The following PLEKHA7 variants were observed in gnomAD, a reference collection of about 807,000 sequenced individuals.
PLEKHA7 encodes the protein pleckstrin homology domain containing A7, also known as pleckstrin homology domain-containing family A member 7.
A neutral mutation model predicts 170.0 loss-of-function variants in PLEKHA7; 104 were observed. The observed-to-expected ratio is 0.61, with a 90% CI of 0.52 to 0.72. The LOEUF is 0.72. PLEKHA7 is among the 30% of genes least tolerant of loss of function. The pLI is 0.00. For missense variants in PLEKHA7, 1,615 were observed against 1,671.7 expected (o/e 0.97, Z 0.59); for synonymous variants, 648 against 660.8 (o/e 0.98, Z 0.30).
rs751029327 is a variant in PLEKHA7 at position 16,783,759 on chromosome 11, C to T, written c.3591G>A (p.Glu1197=). 17 of 1,513,064 alleles carry T rather than the reference C, an allele frequency of 1.1e-5. No homozygotes were observed. Among genetic ancestry groups the T allele is most frequent in the Non-Finnish European group, 1.5e-5 (17 of 1,135,982 alleles). The allele number at this position is 1,513,064 out of a possible 1,614,324, so 93.7% of individuals were successfully genotyped here. Residue 1197 remains glutamate, a synonymous_variant, in exon 25 of 27, where the codon GAG becomes GAA. Coordinates refer to ENST00000531066, the MANE Select transcript of PLEKHA7 (RefSeq NM_001329630.2). The stretch of plus-strand genomic sequence containing the variant: ...CTTTGCGGTACCGCGCCTGCAGCTC[C>T]TCAAGGCTGGGTGGCTCTTCGGGAT... The part of the protein sequence containing the change: ...ELDPEEPPSL[E]ELQARYRKAE...
rs575398610 is a variant in PLEKHA7 at position 16,779,929 on chromosome 11, G to A, written c.3794-909C>T. On this transcript the variant is annotated intron_variant, in intron 26 of 26. Transcript: ENST00000531066. The stretch of plus-strand genomic sequence containing the variant: ...CACTTAACAAGCTGCGATTCCTTGC[G>A]CATATCCCTCAAGGCCTCTGAGCTT... Among the ~76,000 whole-genome samples, 10 of 147,088 alleles carry A rather than the reference G, an allele frequency of 6.8e-5. No homozygotes were observed. The East Asian group carries it at 1.5e-3, about 22-fold the overall frequency.
At chr11:16,987,901 G>T (rs1863829593) in intron 3 of PLEKHA7, among the ~76,000 whole-genome samples, 1 of 152,164 alleles carries the variant, frequency 6.6e-6, no homozygotes, top group Admixed American at 6.5e-5. Context: ...GACAAACCTA[G>T]GGCCAAAACC....
intron 3 of PLEKHA7, among the ~76,000 whole-genome samples, chr11:16,936,401 C>CAA (rs57104068): frequency 0.24 from 16,389 of 67,116 alleles, 3,989 homozygotes; most frequent in Non-Finnish European, 0.35. Flanking sequence ...GACTCTGTCT[C>CAA]AAAAAAAAAA....
At chr11:16,825,846 G>A (rs1221052867) in intron 10 of PLEKHA7, among the ~76,000 whole-genome samples, 3 of 152,196 alleles carry the variant, frequency 2.0e-5, no homozygotes, top group Non-Finnish European at 2.9e-5. Flanking sequence ...TGGTGTAATC[G>A]CATGGAGGCC....
At chr11:16,904,263 A>C (rs1857516258) in intron 3 of PLEKHA7, among the ~76,000 whole-genome samples, 1 of 152,188 alleles carries the variant, frequency 6.6e-6, no homozygotes, top group African/African-American at 2.4e-5. Context: ...GTACCCATCC[A>C]TTGGGAATAT....
intron 8 of PLEKHA7, among the ~76,000 whole-genome samples, chr11:16,847,085 T>G (rs7929895): frequency 3.8e-4 from 46 of 121,206 alleles, no homozygotes; most frequent in African/African-American, 1.3e-3. Context: ...GAAGTTTTTT[T>G]TTTTCTTTTT....
chr11:16,792,793 A>G (rs1283181144), intron 19 of PLEKHA7, among the ~76,000 whole-genome samples: 1 of 152,100 alleles, frequency 6.6e-6, no homozygotes, highest in African/African-American at 2.4e-5. Context: ...TTTTGTTTTG[A>G]GACAGGGTCT....
chr11:16,907,259 G>T (rs1183137832), intron 3 of PLEKHA7, among the ~76,000 whole-genome samples: 5 of 144,138 alleles, frequency 3.5e-5, no homozygotes, highest in East Asian at 4.3e-4. Context: ...GGAAGGATGT[G>T]GGGGGGTCAG....
At chr11:16,960,063 CTG>C (rs1176493673) in intron 3 of PLEKHA7, among the ~76,000 whole-genome samples, 9 of 152,214 alleles carry the variant, frequency 5.9e-5, no homozygotes, top group Admixed American at 3.9e-4. Flanking sequence ...CTGGCCCAGG[CTG>C]TGTGTGTGCA....
chr11:16,986,221 T>G (rs760518801), intron 3 of PLEKHA7, among the ~76,000 whole-genome samples: 3 of 152,092 alleles, frequency 2.0e-5, no homozygotes, highest in African/African-American at 4.8e-5. Flanking sequence ...GATGAGGTAT[T>G]TGGGCCCCTG....
intron 3 of PLEKHA7, among the ~76,000 whole-genome samples, chr11:16,917,194 G>C (rs1034451841): frequency 1.3e-5 from 2 of 152,068 alleles, no homozygotes; most frequent in African/African-American, 4.8e-5. Context: ...CCTCCAGCCT[G>C]GGTGACACAG....
chr11:16,991,895 G>A (rs994875920), intron 3 of PLEKHA7, among the ~76,000 whole-genome samples: 1 of 152,204 alleles, frequency 6.6e-6, no homozygotes, highest in Non-Finnish European at 1.5e-5. Flanking sequence ...CAGTGGCGTG[G>A]ACTAGGGTGG....
chr11:16,852,400 G>A, intron 6 of PLEKHA7, 45 bp from the exon 7 acceptor site: 2 of 1,558,782 alleles, frequency 1.3e-6, no homozygotes, highest in Non-Finnish European at 8.8e-7. Context: ...TGAGCATACT[G>A]TTGTCCCTTT....
In PLEKHA7 at chr11:16,790,769, G is replaced by A. The variant is rs747264020; in HGVS notation, c.3052+29C>T. 1.3e-5 allele frequency: 21 copies of A among 1,597,882 alleles called. No individual in the cohort carries two copies. The East Asian group carries it at 4.0e-4, about 31-fold the overall frequency. On this transcript the variant is annotated intron_variant, in intron 21 of 26. Transcript: ENST00000531066. ...TGGAAGCAGTGTGGTGGGATTCCCA[G>A]AGAAACTCCAGGGAGGGCCCTGCCT...
chr11:17,006,444 T>C (rs1259218170), intron 3 of PLEKHA7, among the ~76,000 whole-genome samples: 1 of 147,972 alleles, frequency 6.8e-6, no homozygotes, highest in African/African-American at 2.5e-5. Context: ...TTGGCTAACA[T>C]GGTGAAACCC....
chr11:16,906,302 T>TCCTCCTCTCCCTCTC lies in PLEKHA7; in HGVS notation c.222-35135_222-35121dup, dbSNP rs763669111. On this transcript the variant is annotated intron_variant, in intron 3 of 26. Coordinates refer to ENST00000531066, the MANE Select transcript of PLEKHA7 (RefSeq NM_001329630.2). ...AGGAAAGAAAGAAAATTGGAAAGGC[T>TCCTCCTCTCCCTCTC]CCTCCTCTCCCTCTCCCTCCTCTCA... Among the ~76,000 whole-genome samples the TCCTCCTCTCCCTCTC allele has an allele frequency of 4.0e-3, 355 of 89,248 alleles. 35 individuals are homozygous for TCCTCCTCTCCCTCTC. The highest frequency in any genetic ancestry group is 0.017 in the South Asian group (45 of 2,590). The allele number at this position is 89,248 out of a possible 152,430, so 58.6% of individuals were successfully genotyped here.
In PLEKHA7 at chr11:16,936,010, C is replaced by A. The variant is rs538382840; in HGVS notation, c.222-64828G>T. Among the ~76,000 whole-genome samples the A allele has an allele frequency of 1.1e-4, 16 of 152,290 alleles. No individual in the cohort carries two copies. In the South Asian group the frequency reaches 2.1e-3, roughly 20 times the overall value. ...ATATTTTGAAGACTGACAATCTATG[C>A]AGCACACGGTAGGTGGCAACACTGA... On this transcript the variant is annotated intron_variant, in intron 3 of 26. Transcript: ENST00000531066.
intron 19 of PLEKHA7, among the ~76,000 whole-genome samples, chr11:16,792,028 A>T (rs1393182487): frequency 6.6e-6 from 1 of 152,204 alleles, no homozygotes; most frequent in Non-Finnish European, 1.5e-5. Context: ...AGAGTTCAGG[A>T]AAGGGCACTC....
intron 4 of PLEKHA7, among the ~76,000 whole-genome samples, chr11:16,870,803 C>T (rs1854774787): frequency 1.3e-5 from 2 of 151,986 alleles, no homozygotes; most frequent in Admixed American, 1.3e-4. Context: ...GGCTAATGTG[C>T]CAGAAGATAT....
Sources: allele counts gnomAD v4.1 joint callset (sites outside exome capture counted in the v4.1 genomes callset), GRCh38; gene constraint gnomAD v4.1.1; transcripts MANE v1.5; gene names NCBI Gene and HGNC (gene_info 2026-07-23, HGNC 2026-07-21).